The following CLPB variants were observed in gnomAD, a reference collection of about 807,000 sequenced individuals.
CLPB encodes ClpB family mitochondrial disaggregase.
Under a neutral mutation model 78.4 loss-of-function variants are expected in CLPB, and 40 were observed. That is an observed-to-expected ratio of 0.51 (90% confidence interval 0.40 to 0.66). The LOEUF is 0.66. CLPB is among the 30% of genes least tolerant of loss of function. The pLI, the probability that CLPB is intolerant of heterozygous loss-of-function variation, is 0.00. For missense variants in CLPB, 780 were observed against 886.9 expected, an observed-to-expected ratio of 0.88 and a Z score of 1.53; for synonymous variants, 333 against 348.0, an observed-to-expected ratio of 0.96 and a Z score of 0.48.
At chr11:72,416,475 C>T (rs1406328976) in intron 2 of CLPB, among the ~76,000 whole-genome samples, 2 of 152,086 alleles carry the variant, frequency 1.3e-5, no homozygotes, top group Non-Finnish European at 2.9e-5. Flanking sequence ...GTGGCTCACA[C>T]CTGTAATCTC....
intron 3 of CLPB, among the ~76,000 whole-genome samples, chr11:72,385,035 G>A (rs956416021): frequency 9.2e-5 from 14 of 152,190 alleles, no homozygotes; most frequent in African/African-American, 3.4e-4. Context: ...CTACACTTTA[G>A]ACTAAATGGA....
chr11:72,398,729 C>T (rs1855480113), intron 3 of CLPB, among the ~76,000 whole-genome samples: 1 of 152,208 alleles, frequency 6.6e-6, no homozygotes, highest in East Asian at 1.9e-4. Flanking sequence ...AAACAAGTGC[C>T]TTGTGGCATG....
At chr11:72,392,961 A>C (rs1443894251) in intron 3 of CLPB, among the ~76,000 whole-genome samples, 2 of 152,256 alleles carry the variant, frequency 1.3e-5, no homozygotes, top group East Asian at 3.8e-4. Context: ...ATGGCAGTTA[A>C]AGCAAAGCAG....
chr11:72,354,580 C>T, intron 5 of CLPB: 4 of 366,126 alleles, frequency 1.1e-5, no homozygotes, highest in Middle Eastern at 7.1e-4. Context: ...CTTTCTAGTC[C>T]TACTGCCTCT....
At chr11:72,300,095 G>A (rs952189046) in intron 11 of CLPB, among the ~76,000 whole-genome samples, 27 of 152,226 alleles carry the variant, frequency 1.8e-4, no homozygotes, top group African/African-American at 5.3e-4. Flanking sequence ...CCCTAGCTGC[G>A]TGGCAGTCAT....
chr11:72,313,253 G>A (rs1237323666), intron 7 of CLPB, among the ~76,000 whole-genome samples: 6 of 152,178 alleles, frequency 3.9e-5, no homozygotes, highest in Admixed American at 3.9e-4. Flanking sequence ...CCTGACAACT[G>A]CTTGTAGGTT....
chr11:72,350,774 A>G (rs2135589414), intron 5 of CLPB, among the ~76,000 whole-genome samples: 1 of 152,336 alleles, frequency 6.6e-6, no homozygotes, highest in African/African-American at 2.4e-5. Context: ...GACATCCAAG[A>G]CAAGATTTTC....
Position 72,288,067 on chromosome 11 carries a change from T to A in CLPB, c.*5300A>T, listed in dbSNP as rs1949411007. 6.6e-6 allele frequency: 1 copy of A among 152,240 alleles called. No homozygotes were observed. The highest frequency in any genetic ancestry group is 2.4e-5 in the African/African-American group (1 of 41,458). The allele number at this position is 152,240 out of a possible 1,614,324, so 9.4% of individuals were successfully genotyped here. A position where few individuals can be genotyped will look rare whatever the true frequency, so the allele number is the denominator to read the frequency against. On this transcript the variant is annotated 3_prime_UTR_variant, in exon 16 of 16. Transcript: ENST00000538039. ...CTAAATTTCTTTCTTGTTTTTCTTCTTTCACTATATTGAGGAATTTCCCTA... is the reference window on the plus strand; with the variant it reads ...CTAAATTTCTTTCTTGTTTTTCTTCATTCACTATATTGAGGAATTTCCCTA...
chr11:72,390,906 A>G (rs1855234377), intron 3 of CLPB, among the ~76,000 whole-genome samples: 1 of 152,258 alleles, frequency 6.6e-6, no homozygotes, highest in African/African-American at 2.4e-5. Flanking sequence ...GTTGCGGGCC[A>G]TCAAGTGTCC....
chr11:72,334,241 T>C (rs1950280080), intron 5 of CLPB, among the ~76,000 whole-genome samples: 1 of 152,154 alleles, frequency 6.6e-6, no homozygotes. Context: ...AAGGATGGGA[T>C]GGGGACAGGT....
intron 11 of CLPB, among the ~76,000 whole-genome samples, chr11:72,301,131 A>G (rs1257591907): frequency 6.6e-6 from 1 of 152,234 alleles, no homozygotes; most frequent in African/African-American, 2.4e-5. Flanking sequence ...AGGATTAGTG[A>G]TAATGGCTGT....
chr11:72,347,260 C>T (rs1950533339), intron 5 of CLPB, among the ~76,000 whole-genome samples: 1 of 152,166 alleles, frequency 6.6e-6, no homozygotes, highest in African/African-American at 2.4e-5. Flanking sequence ...TATCTCCTCA[C>T]AGCCTGGGCA....
chr11:72,310,962 T>A (rs1420723682), intron 7 of CLPB: 1 of 152,154 alleles, frequency 6.6e-6, no homozygotes, highest in Non-Finnish European at 1.5e-5. Context: ...GAGCTCTTTA[T>A]AATGCCAGGC....
chr11:72,400,099 A>G (rs1272168309), intron 3 of CLPB, among the ~76,000 whole-genome samples: 1 of 152,178 alleles, frequency 6.6e-6, no homozygotes, highest in Admixed American at 6.5e-5. Flanking sequence ...TTTATTGTCT[A>G]TCCACATCTT....
chr11:72,380,465 G>C lies in CLPB; in HGVS notation c.543-81C>G, dbSNP rs1027844819. 12 of 1,075,498 alleles carry C rather than the reference G, an allele frequency of 1.1e-5. No individual in the cohort carries two copies. The African/African-American group carries it at 1.9e-4, about 17-fold the overall frequency. The allele number at this position is 1,075,498 out of a possible 1,614,324, so 66.6% of individuals were successfully genotyped here. A position where few individuals can be genotyped will look rare whatever the true frequency, so the allele number is the denominator to read the frequency against. The stretch of plus-strand genomic sequence containing the variant: ...AGACCCAGATCCGGAAGCATGTTTG[G>C]GGACTGGAGCTGTCTCTGCTCATGT... On this transcript the variant is annotated intron_variant, in intron 3 of 15. Transcript: ENST00000538039.
At chr11:72,318,902 G>A (rs1313672971) in intron 6 of CLPB, among the ~76,000 whole-genome samples, 2 of 152,072 alleles carry the variant, frequency 1.3e-5, no homozygotes, top group Non-Finnish European at 2.9e-5. Flanking sequence ...CCTCCTCCCT[G>A]CCCACCCAGC....
intron 2 of CLPB, among the ~76,000 whole-genome samples, chr11:72,424,779 G>A (rs902862957): frequency 6.6e-6 from 1 of 152,074 alleles, no homozygotes; most frequent in Non-Finnish European, 1.5e-5. Flanking sequence ...CCAGCTACTC[G>A]GGAGGCTGAG....
rs940086115 is a variant in CLPB, at chr11:72,344,439, C to T, written c.775+14441G>A. On this transcript the variant is annotated intron_variant, in intron 5 of 15. Coordinates refer to ENST00000538039, the MANE Select transcript of CLPB (RefSeq NM_001258392.3). The stretch of plus-strand genomic sequence containing the variant: ...GTTGTCTAGGCTGGTCTCAAACTCC[C>T]GGGCTCAAGCCATTTGTCCACCTCA... Among the ~76,000 whole-genome samples, 5 of 151,856 alleles carry T rather than the reference C, an allele frequency of 3.3e-5. 1 individual carries two copies. The highest frequency in any genetic ancestry group is 2.6e-4 in the Admixed American group (4 of 15,222).
chr11:72,306,394 A>G (rs1280978253), intron 9 of CLPB, among the ~76,000 whole-genome samples: 1 of 152,206 alleles, frequency 6.6e-6, no homozygotes, highest in Non-Finnish European at 1.5e-5. Flanking sequence ...AGGCAAGAGC[A>G]TCTGGGGTCT....
Sources: gnomAD v4.1 joint callset for allele counts (sites outside exome capture counted in the v4.1 genomes callset) on GRCh38, gnomAD v4.1.1 for gene constraint, MANE v1.5 for transcripts, NCBI Gene and HGNC (gene_info 2026-07-23, HGNC 2026-07-21) for gene names.